Variants in SPOCK3 observed in about 807,000 individuals in gnomAD.
SPOCK3 encodes the protein SPARC (osteonectin), cwcv and kazal like domains proteoglycan 3.
In SPOCK3, 30 loss-of-function variants were observed where a neutral mutation model predicts 56.6. That is an observed-to-expected ratio of 0.53 (90% confidence interval 0.40 to 0.72). The LOEUF (loss-of-function observed/expected upper bound fraction) is 0.72, where lower values mean the gene tolerates loss of function less well. Ranked by LOEUF, SPOCK3 falls within the 30% of genes least tolerant of loss-of-function variation. SPOCK3 has a pLI of 0.00. For missense variants in SPOCK3, 527 were observed against 530.0 expected (o/e 0.99, Z 0.06); for synonymous variants, 196 against 183.3 (o/e 1.07, Z -0.56).
At chr4:167,023,266 T>C (rs1450402485) in intron 3 of SPOCK3, among the ~76,000 whole-genome samples, 9 of 151,828 alleles carry the variant, frequency 5.9e-5, no homozygotes, top group African/African-American at 2.2e-4. Flanking sequence ...TGGACTAACT[T>C]TTATGAACTC....
intron 2 of SPOCK3, among the ~76,000 whole-genome samples, chr4:167,164,357 C>A (rs1026342585): frequency 1.3e-5 from 2 of 151,964 alleles, no homozygotes; most frequent in African/African-American, 4.8e-5. Context: ...AGTCAGTATA[C>A]ATGAATTTGA....
intron 4 of SPOCK3, among the ~76,000 whole-genome samples, chr4:166,936,330 G>C (rs1740399803): frequency 6.6e-6 from 1 of 151,858 alleles, no homozygotes. Flanking sequence ...ATTTTTAAAA[G>C]TTAAAATCCT....
intron 3 of SPOCK3, among the ~76,000 whole-genome samples, chr4:167,034,418 T>C (rs148878876): frequency 0.013 from 1,946 of 152,094 alleles, 21 homozygotes; most frequent in Non-Finnish European, 0.019. Flanking sequence ...TATTTTTCAG[T>C]ATGAGATACT....
In SPOCK3 at chr4:166,793,174, C is replaced by G. The variant is rs1229652068; in HGVS notation, c.590-885G>C. Among the ~76,000 whole-genome samples the G allele has an allele frequency of 2.6e-5, 4 of 152,160 alleles. No individual in the cohort carries two copies. The East Asian group carries it at 7.7e-4, about 29-fold the overall frequency. On this transcript the variant is annotated intron_variant, in intron 6 of 10. Coordinates refer to ENST00000357545, the MANE Select transcript of SPOCK3 (RefSeq NM_001040159.2). ...GTAAATGTGCAATTTCCTCAACTAA[C>G]AAGTAATTCATGCTAATACTCATTT... is the stretch of plus-strand genomic sequence containing the variant.
chr4:167,162,655 A>G (rs1446095614), intron 2 of SPOCK3, among the ~76,000 whole-genome samples: 1 of 152,064 alleles, frequency 6.6e-6, no homozygotes, highest in East Asian at 1.9e-4. Context: ...AAAGAGAGTT[A>G]CTGAAAGTGC....
intron 2 of SPOCK3, among the ~76,000 whole-genome samples, chr4:167,227,365 T>C (rs887566996): frequency 6.6e-6 from 1 of 152,162 alleles, no homozygotes; most frequent in African/African-American, 2.4e-5. Context: ...TGGCCAGAAA[T>C]TGAACTGGCC....
At chr4:167,111,685 C>G (rs917556502) in intron 2 of SPOCK3, among the ~76,000 whole-genome samples, 2 of 151,952 alleles carry the variant, frequency 1.3e-5, no homozygotes, top group East Asian at 3.9e-4. Context: ...TTTTGAAAAG[C>G]ATCCTGTTGC....
chr4:166,796,282 C>A (rs1282822147), intron 6 of SPOCK3, among the ~76,000 whole-genome samples: 5 of 152,156 alleles, frequency 3.3e-5, no homozygotes, highest in African/African-American at 1.2e-4. Flanking sequence ...TGAATATACT[C>A]ATATCTGGCA....
At chr4:166,776,757 C>A (rs1197700138) in intron 7 of SPOCK3, among the ~76,000 whole-genome samples, 1 of 152,094 alleles carries the variant, frequency 6.6e-6, no homozygotes, top group East Asian at 1.9e-4. Context: ...GAGAAGAGAG[C>A]ATTCTTTAAT....
intron 2 of SPOCK3, among the ~76,000 whole-genome samples, chr4:167,112,775 A>T (rs906386384): frequency 2.9e-4 from 44 of 152,090 alleles, no homozygotes; most frequent in African/African-American, 9.9e-4. Context: ...ATGGGGTGTC[A>T]TCAAGGAGAG....
At chr4:166,923,604 T>A (rs186137889) in intron 4 of SPOCK3, among the ~76,000 whole-genome samples, 1 of 152,160 alleles carries the variant, frequency 6.6e-6, no homozygotes, top group East Asian at 1.9e-4. Context: ...AAACGTATGG[T>A]CCATGATGAT....
chr4:166,790,831 G>T (rs1741263669), intron 7 of SPOCK3, among the ~76,000 whole-genome samples: 1 of 152,036 alleles, frequency 6.6e-6, no homozygotes, highest in Non-Finnish European at 1.5e-5. Flanking sequence ...TATTGGGAGT[G>T]GATATGAATT....
intron 3 of SPOCK3, chr4:167,011,364 C>T (rs1750046651): frequency 2.2e-6 from 1 of 451,814 alleles, no homozygotes; most frequent in East Asian, 7.0e-5. Flanking sequence ...CAAACAACCT[C>T]TCTAAAATAC....
intron 2 of SPOCK3, among the ~76,000 whole-genome samples, chr4:167,226,871 C>T (rs114050774): frequency 0.023 from 3,428 of 152,136 alleles, 126 homozygotes; most frequent in African/African-American, 0.078. Flanking sequence ...AGAATTCTAT[C>T]GTTACTCGGG....
intron 2 of SPOCK3, among the ~76,000 whole-genome samples, chr4:167,111,178 T>A (rs183347300): frequency 7.3e-4 from 111 of 152,192 alleles, no homozygotes; most frequent in African/African-American, 2.7e-3. Context: ...TATGAAATTA[T>A]TAAATGAGGA....
At chr4:166,877,530 C>T (rs1416844140) in intron 6 of SPOCK3, among the ~76,000 whole-genome samples, 2 of 151,442 alleles carry the variant, frequency 1.3e-5, no homozygotes, top group African/African-American at 4.9e-5. Context: ...AAATCAAGTG[C>T]TATTAAATAC....
intron 2 of SPOCK3, among the ~76,000 whole-genome samples, chr4:167,108,039 A>G (rs1466436772): frequency 1.3e-5 from 2 of 151,956 alleles, no homozygotes; most frequent in Non-Finnish European, 2.9e-5. Context: ...AATGGCAAAC[A>G]GGCATATAAA....
At chr4:166,924,700 G>A (rs1738878485) in intron 4 of SPOCK3, among the ~76,000 whole-genome samples, 1 of 152,190 alleles carries the variant, frequency 6.6e-6, no homozygotes, top group Non-Finnish European at 1.5e-5. Context: ...AAGTGGAATG[G>A]CTAGGCTGAA....
At chr4:167,110,959 AC>A (rs1760851809) in intron 2 of SPOCK3, among the ~76,000 whole-genome samples, 2 of 151,950 alleles carry the variant, frequency 1.3e-5, no homozygotes, top group Admixed American at 6.6e-5. Flanking sequence ...GATCTGCTAC[AC>A]AGTTATCACA....
Sources: allele counts gnomAD v4.1 joint callset (sites outside exome capture counted in the v4.1 genomes callset), GRCh38; gene constraint gnomAD v4.1.1; transcripts MANE v1.5; gene names NCBI Gene and HGNC (gene_info 2026-07-23, HGNC 2026-07-21).